Variants in NRG1 observed in about 807,000 individuals in gnomAD.
NRG1 encodes neuregulin 1.
A neutral mutation model predicts 63.8 loss-of-function variants in NRG1; 18 were observed. The observed-to-expected ratio is 0.28, with a 90% confidence interval of 0.19 to 0.42. NRG1 has a LOEUF of 0.42. Ranked by LOEUF, NRG1 falls within the 10% of genes least tolerant of loss-of-function variation. The probability of loss-of-function intolerance (pLI) is 1.00; values close to 1 mark genes in which losing one functional copy is unlikely to be tolerated. For synonymous variants in NRG1, 302 were observed against 301.3 expected, an observed-to-expected ratio of 1.00 and a Z score of -0.02; for missense variants, 762 against 814.7, an observed-to-expected ratio of 0.94 and a Z score of 0.79.
chr8:32,300,554 A>G (rs1349478902), intron 1 of NRG1, among the ~76,000 whole-genome samples: 2 of 152,268 alleles, frequency 1.3e-5, no homozygotes, highest in African/African-American at 4.8e-5. Flanking sequence ...AAATAAAATT[A>G]TGAGTTACAA....
chr8:32,622,087 G>A (rs1848435952), intron 5 of NRG1, among the ~76,000 whole-genome samples: 1 of 152,140 alleles, frequency 6.6e-6, no homozygotes, highest in African/African-American at 2.4e-5. Context: ...AATGCTGAGT[G>A]GACTCATGCT....
chr8:32,613,579 C>T (rs138273395), intron 3 of NRG1, among the ~76,000 whole-genome samples: 46 of 151,846 alleles, frequency 3.0e-4, no homozygotes, highest in Non-Finnish European at 4.9e-4. Flanking sequence ...TTAGGATTCT[C>T]GGTTAGATCT....
intron 1 of NRG1, among the ~76,000 whole-genome samples, chr8:32,388,223 C>T (rs1438397306): frequency 2.0e-5 from 3 of 152,130 alleles, no homozygotes; most frequent in South Asian, 2.1e-4. Flanking sequence ...GGGTTGTGAA[C>T]TTTACATAGG....
Position 32,698,005 on chromosome 8 carries a change from T to C in NRG1, c.503-29944T>C, listed in dbSNP as rs147702240. Among the ~76,000 whole-genome samples, 601 of 152,116 alleles carry C rather than the reference T, an allele frequency of 4.0e-3. 5 individuals carry two copies. Among genetic ancestry groups the C allele is most frequent in the African/African-American group, 0.014 (564 of 41,502 alleles). The stretch of plus-strand genomic sequence containing the variant: ...GGCAGATCACGAGGTCAAGAGATCG[T>C]GACCATCCTGGCCAACATGGTGAAA... On this transcript the variant is annotated intron_variant, in intron 5 of 11. Coordinates refer to ENST00000356819, the Ensembl canonical transcript of NRG1.
At chr8:31,732,127 A>G (rs1194720436) in intron 1 of NRG1, among the ~76,000 whole-genome samples, 1 of 152,126 alleles carries the variant, frequency 6.6e-6, no homozygotes, top group African/African-American at 2.4e-5. Flanking sequence ...GTTCTTGGTG[A>G]TGACAGCAGG....
At chr8:32,564,869 T>C (rs1837143249) in intron 1 of NRG1, among the ~76,000 whole-genome samples, 1 of 151,872 alleles carries the variant, frequency 6.6e-6, no homozygotes, top group African/African-American at 2.4e-5. Flanking sequence ...GAAACCAGCC[T>C]GGGCAACATA....
At chr8:31,653,265 G>A (rs896272409) in intron 1 of NRG1, among the ~76,000 whole-genome samples, 7 of 151,958 alleles carry the variant, frequency 4.6e-5, no homozygotes, top group African/African-American at 1.5e-4. Flanking sequence ...CTTGTGGCAA[G>A]TACTATGTCT....
intron 1 of NRG1, among the ~76,000 whole-genome samples, chr8:31,956,522 G>A (rs1183884933): frequency 6.6e-6 from 1 of 152,080 alleles, no homozygotes; most frequent in Non-Finnish European, 1.5e-5. Context: ...TACTCGAGAA[G>A]CTGAGGCACG....
intron 1 of NRG1, among the ~76,000 whole-genome samples, chr8:32,406,283 G>A (rs950675309): frequency 4.6e-5 from 7 of 152,186 alleles, no homozygotes; most frequent in Non-Finnish European, 1.0e-4. Flanking sequence ...GAACCAGACT[G>A]TGTGGGTTTG....
intron 1 of NRG1, among the ~76,000 whole-genome samples, chr8:32,393,735 G>T (rs1047462609): frequency 1.9e-4 from 29 of 152,264 alleles, no homozygotes; most frequent in Admixed American, 9.2e-4. Flanking sequence ...CCTATTGAGG[G>T]TGGAGGGTGG....
chr8:32,364,075 CTTTTTTT>C (rs932903875), intron 1 of NRG1, among the ~76,000 whole-genome samples: 9 of 65,538 alleles, frequency 1.4e-4, no homozygotes, highest in Admixed American at 4.0e-4. Context: ...TCTGACTAGT[CTTTTTTT>C]TTTTTTTTTT....
chr8:32,496,992 C>T (rs1389844852), intron 1 of NRG1, among the ~76,000 whole-genome samples: 1 of 151,930 alleles, frequency 6.6e-6, no homozygotes, highest in Non-Finnish European at 1.5e-5. Context: ...AGTAAGTTGC[C>T]CAGAATCACG....
intron 1 of NRG1, among the ~76,000 whole-genome samples, chr8:32,355,669 GAAA>G (rs34832764): frequency 6.7e-6 from 1 of 148,838 alleles, no homozygotes; most frequent in African/African-American, 2.5e-5. Flanking sequence ...AAAGAAGGGG[GAAA>G]AAAAAAACTG....
At chr8:32,296,839 G>A (rs1005375109) in intron 1 of NRG1, among the ~76,000 whole-genome samples, 13 of 152,094 alleles carry the variant, frequency 8.5e-5, no homozygotes, top group East Asian at 2.0e-4. Flanking sequence ...TTTATAGGCC[G>A]GGTGTGGTGG....
At chr8:32,000,297 T>C (rs982170954) in intron 1 of NRG1, among the ~76,000 whole-genome samples, 2 of 152,006 alleles carry the variant, frequency 1.3e-5, no homozygotes, top group African/African-American at 4.8e-5. Context: ...TCCCTACCTT[T>C]GCAAGGTCAG....
At chr8:32,496,969 A>C (rs1026428638) in intron 1 of NRG1, among the ~76,000 whole-genome samples, 1 of 152,196 alleles carries the variant, frequency 6.6e-6, no homozygotes, top group Non-Finnish European at 1.5e-5. Flanking sequence ...TAAGGAAATT[A>C]ATTCAGACTT....
intron 1 of NRG1, among the ~76,000 whole-genome samples, chr8:32,200,507 C>A (rs975596556): frequency 1.3e-5 from 2 of 152,098 alleles, no homozygotes. Context: ...TTATTTAGAT[C>A]TCTTCCTTTC....
At chr8:32,039,835 A>T (rs1007539388) in intron 1 of NRG1, among the ~76,000 whole-genome samples, 1 of 151,894 alleles carries the variant, frequency 6.6e-6, no homozygotes, top group East Asian at 1.9e-4. Context: ...CCTGGGCCAT[A>T]AACCAAGACC....
At chr8:32,601,796 G>A (rs1010037896) in intron 2 of NRG1, among the ~76,000 whole-genome samples, 4 of 151,444 alleles carry the variant, frequency 2.6e-5, no homozygotes, top group African/African-American at 9.7e-5. Flanking sequence ...TGATCTAGCC[G>A]ATGAGGAATG....
Sources: gnomAD v4.1 joint callset for allele counts (sites outside exome capture counted in the v4.1 genomes callset) on GRCh38, gnomAD v4.1.1 for gene constraint, MANE v1.5 for transcripts, NCBI Gene and HGNC (gene_info 2026-07-23, HGNC 2026-07-21) for gene names.